Variants in DNMT1 observed in about 807,000 individuals in gnomAD.
The protein encoded by DNMT1 is DNA (cytosine-5)-methyltransferase 1.
Under a neutral mutation model 205.3 loss-of-function variants are expected in DNMT1, and 24 were observed. The observed-to-expected ratio is 0.12, with a 90% CI of 0.08 to 0.16. The LOEUF (loss-of-function observed/expected upper bound fraction) is 0.16, where lower values mean the gene tolerates loss of function less well. DNMT1 is among the 10% of genes least tolerant of loss of function. The pLI is 1.00. For synonymous variants in DNMT1, 817 were observed against 839.8 expected (o/e 0.97, Z 0.47); for missense variants, 1,293 against 2,177.7 (o/e 0.59, Z 8.09).
Position 10,194,851 on chromosome 19 carries a change from C to T in DNMT1, c.49G>A (p.Ala17Thr). The part of the protein sequence containing the change: ...PARVPTLAVP[A>T]ISLPDDVRRR... ...CGGACATCGTCGGGCAGCGAGATGGCCGGGACGGCCAGTGTGGGCACCCGG... is the reference window on the plus strand; with the variant it reads ...CGGACATCGTCGGGCAGCGAGATGGTCGGGACGGCCAGTGTGGGCACCCGG... Residue 17 changes from alanine (A) to threonine (T), a missense_variant, in exon 1 of 41, where the codon GCC becomes ACC. This residue lies in a region of DNMT1 where 394 missense variants were observed against 451.6 expected (regional missense o/e 0.87). Coordinates refer to ENST00000359526, the MANE Select transcript of DNMT1 (RefSeq NM_001130823.3). The T allele has an allele frequency of 6.2e-7, 1 of 1,611,558 alleles. No homozygotes were observed. The highest frequency in any genetic ancestry group is 1.3e-5 in the African/African-American group (1 of 74,856).
At position 10,160,403 on chromosome 19, in the gene DNMT1, T is replaced by G; in HGVS notation, c.1024A>C (p.Lys342Gln). 6.2e-7 allele frequency: 1 copy of G among 1,614,176 alleles called. No homozygotes were observed. The highest frequency in any genetic ancestry group is 8.5e-7 in the Non-Finnish European group (1 of 1,180,016). The part of the protein sequence containing the change: ...DEDEKEEKRR[K>Q]TTPKEPTEKK... ...TCTTACGGTTCTTTGGGGGTCGTTT[T>G]GCGTCTCTTCTCCTCCTACACAGGG... Residue 342 changes from lysine (K) to glutamine (Q), a missense_variant, in exon 14 of 41, where the codon AAA becomes CAA. Lys to Gln is a moderately conservative substitution (Grantham distance 53). Coordinates refer to ENST00000359526, the MANE Select transcript of DNMT1 (RefSeq NM_001130823.3).
chr19:10,173,995 A>G, intron 7 of DNMT1, 90 bp from the exon 8 acceptor site: 2 of 1,289,382 alleles, frequency 1.6e-6, no homozygotes, highest in Non-Finnish European at 2.3e-6. Context: ...ATATTAACAC[A>G]TTTGACATGG....
chr19:10,164,170 AGATT>A (rs2038636481), intron 11 of DNMT1, among the ~76,000 whole-genome samples: 3 of 152,082 alleles, frequency 2.0e-5, no homozygotes. Context: ...AGAGAGAGAG[AGATT>A]GATTCACTCT....
chr19:10,185,581 C>T (rs1438731942), intron 1 of DNMT1, among the ~76,000 whole-genome samples: 2 of 152,014 alleles, frequency 1.3e-5, no homozygotes, highest in Admixed American at 1.3e-4. Flanking sequence ...AATCCCAGCA[C>T]CTTGGGAGGC....
In DNMT1 at chr19:10,133,554, C is replaced by G; in HGVS notation, c.*113G>C. 1 of 1,298,968 alleles carries G rather than the reference C, an allele frequency of 7.7e-7. No homozygotes were observed. 80.5% of individuals were successfully genotyped at this position (1,298,968 alleles called of 1,614,324 possible). A position where few individuals can be genotyped will look rare whatever the true frequency, so the allele number is the denominator to read the frequency against. ...ACAACAGCTTCATGTCAGCCAAGGC[C>G]ACAAACACCATGTACCACACATGTG... On this transcript the variant is annotated 3_prime_UTR_variant, in exon 41 of 41. Coordinates refer to ENST00000359526, the MANE Select transcript of DNMT1 (RefSeq NM_001130823.3). The surrounding 1 kb of genome is among the most constrained non-coding windows in gnomAD (Gnocchi z 4.1).
chr19:10,145,238 C>A (rs1334096829), intron 28 of DNMT1, among the ~76,000 whole-genome samples: 2 of 152,198 alleles, frequency 1.3e-5, no homozygotes, highest in East Asian at 3.8e-4. Context: ...GTCTGACGGG[C>A]CCCAAAGGCG....
intron 38 of DNMT1, 45 bp from the exon 39 acceptor site, chr19:10,135,897 C>T (rs375325539): frequency 1.7e-5 from 26 of 1,533,850 alleles, no homozygotes; most frequent in Admixed American, 5.9e-5. Flanking sequence ...GCACCCAGGC[C>T]GGGTCACCGT....
Position 10,160,065 on chromosome 19 carries a change from T to TG in DNMT1, c.1044-3dup. ...GCGCGAGCCATTTTTTTCTCCGTTC[T>TG]GGGGGAAAAAAAAAAATCACAAGAT... On this transcript the variant is annotated splice_region_variant and splice_polypyrimidine_tract_variant and intron_variant, in intron 14 of 40. Transcript: ENST00000359526. 1.3e-6 allele frequency: 2 copies of TG among 1,516,136 alleles called. No individual in the cohort carries two copies. Among genetic ancestry groups the TG allele is most frequent in the Non-Finnish European group, 1.8e-6 (2 of 1,142,800 alleles). The allele number at this position is 1,516,136 out of a possible 1,614,324, so 93.9% of individuals were successfully genotyped here.
chr19:10,173,912 GGA>G lies in DNMT1; in HGVS notation c.649-9_649-8del, dbSNP rs781015081. ...CTCTACGTCTCTTCTCATCCTGTGT[GGA>G]GGGAAGGAAGAACAAAAAAGATTAG... On this transcript the variant is annotated splice_polypyrimidine_tract_variant and splice_region_variant and intron_variant, in intron 7 of 40. Coordinates refer to ENST00000359526, the MANE Select transcript of DNMT1 (RefSeq NM_001130823.3). 6.2e-7 allele frequency: 1 copy of G among 1,613,830 alleles called. No individual in the cohort carries two copies. Among genetic ancestry groups the G allele is most frequent in the Admixed American group, 1.7e-5 (1 of 60,010 alleles).
chr19:10,164,409 C>A (rs1426316834), intron 11 of DNMT1, among the ~76,000 whole-genome samples: 2 of 152,162 alleles, frequency 1.3e-5, no homozygotes, highest in African/African-American at 4.8e-5. Context: ...TCCCAAAATG[C>A]TGGGATTATA....
intron 39 of DNMT1, 74 bp downstream of exon 39, chr19:10,135,662 G>GGCCCCA (rs1416598319): frequency 6.6e-7 from 1 of 1,509,462 alleles, no homozygotes; most frequent in Admixed American, 1.8e-5. Context: ...TGACTGCGCT[G>GGCCCCA]GCCCCAGCCC....
chr19:10,157,287 A>G (rs1043803759), intron 17 of DNMT1, among the ~76,000 whole-genome samples: 1 of 152,140 alleles, frequency 6.6e-6, no homozygotes, highest in East Asian at 1.9e-4. Flanking sequence ...CATATGGTTA[A>G]TTTTATATTA....
intron 22 of DNMT1, among the ~76,000 whole-genome samples, chr19:10,152,364 C>G (rs972994662): frequency 6.6e-6 from 1 of 151,386 alleles, no homozygotes; most frequent in Non-Finnish European, 1.5e-5. Flanking sequence ...TGGCTCATAC[C>G]TGAACCAGTA....
chr19:10,170,554 G>T (rs10407697), intron 9 of DNMT1, among the ~76,000 whole-genome samples: 20,291 of 152,036 alleles, frequency 0.13, 1,938 homozygotes, highest in East Asian at 0.4. Context: ...TAAGGCAGGA[G>T]AATTTGTTTG....
chr19:10,185,019 C>T (rs2039151713), intron 1 of DNMT1, among the ~76,000 whole-genome samples: 1 of 152,244 alleles, frequency 6.6e-6, no homozygotes, highest in South Asian at 2.1e-4. Context: ...ACCAGCGCCG[C>T]TCACATATGA....
intron 25 of DNMT1, 21 bp from the exon 26 acceptor site, chr19:10,149,678 T>C (rs377630454): frequency 6.2e-7 from 1 of 1,613,032 alleles, no homozygotes; most frequent in African/African-American, 1.3e-5. Flanking sequence ...AAGACGGGCA[T>C]GGGGAGAAAG....
intron 7 of DNMT1, among the ~76,000 whole-genome samples, 195 bp downstream of exon 7, chr19:10,175,345 C>T (rs1470449991): frequency 2.0e-5 from 3 of 152,044 alleles, no homozygotes; most frequent in East Asian, 3.8e-4. Context: ...TATATATATA[C>T]ATACACGTGC....
chr19:10,169,441 C>T (rs2038766954), intron 9 of DNMT1, among the ~76,000 whole-genome samples: 1 of 151,424 alleles, frequency 6.6e-6, no homozygotes, highest in African/African-American at 2.4e-5. Flanking sequence ...CCTGCAGTCC[C>T]AGCTACTGGG....
intron 17 of DNMT1, among the ~76,000 whole-genome samples, chr19:10,158,669 A>G (rs1439585629): frequency 6.6e-6 from 1 of 152,194 alleles, no homozygotes; most frequent in Non-Finnish European, 1.5e-5. Flanking sequence ...GCCTCGGTGA[A>G]GGTACGGGCC....
Sources: gnomAD v4.1 joint callset for allele counts (sites outside exome capture counted in the v4.1 genomes callset) on GRCh38, gnomAD v4.1.1 for gene constraint, gnomAD v4.1.1 regional missense constraint, Gnocchi (gnomAD v3.1) non-coding constraint, MANE v1.5 for transcripts, NCBI Gene and HGNC (gene_info 2026-07-23, HGNC 2026-07-21) for gene names.